Variants in AGBL1 observed in about 807,000 individuals in gnomAD.
AGBL1 encodes the protein AGBL carboxypeptidase 1.
Under a neutral mutation model 118.9 loss-of-function variants are expected in AGBL1, and 130 were observed. The ratio of observed to expected loss-of-function variants is 1.09; its 90% confidence interval spans 0.95 to 1.26. AGBL1 has a LOEUF of 1.26. Among genes scored for constraint, AGBL1 ranks in the 50% most tolerant of loss-of-function variants. The pLI, the probability that AGBL1 is intolerant of heterozygous loss-of-function variation, is 0.00. For synonymous variants in AGBL1, 555 were observed against 478.9 expected (o/e 1.16, Z -2.08); for missense variants, 1,584 against 1,298.1 (o/e 1.22, Z -3.38).
chr15:86,608,858 TG>T (rs1159091404), intron 21 of AGBL1, among the ~76,000 whole-genome samples: 2 of 152,190 alleles, frequency 1.3e-5, no homozygotes, highest in African/African-American at 4.8e-5. Flanking sequence ...GTGAGCATCA[TG>T]AAACATATCT....
intron 22 of AGBL1, among the ~76,000 whole-genome samples, chr15:86,857,492 C>T (rs1206034390): frequency 6.6e-6 from 1 of 152,182 alleles, no homozygotes; most frequent in African/African-American, 2.4e-5. Flanking sequence ...TCCCATGTGA[C>T]TCCCTCTGCA....
chr15:86,151,840 A>T (rs1160074561), intron 3 of AGBL1, among the ~76,000 whole-genome samples: 2 of 152,242 alleles, frequency 1.3e-5, no homozygotes, highest in Non-Finnish European at 2.9e-5. Context: ...TCAGGATACA[A>T]AATCAATGTG....
intron 22 of AGBL1, among the ~76,000 whole-genome samples, chr15:86,787,875 A>C (rs75171690): frequency 0.044 from 6,646 of 151,762 alleles, 324 homozygotes; most frequent in East Asian, 0.13. Flanking sequence ...TTCTTCTTTG[A>C]ATTTTTGATT....
chr15:86,840,576 G>A (rs920558929), intron 22 of AGBL1, among the ~76,000 whole-genome samples: 1 of 152,228 alleles, frequency 6.6e-6, no homozygotes, highest in Middle Eastern at 3.4e-3. Context: ...CTCCCGAGTA[G>A]CTGGGATTAC....
chr15:86,324,301 G>A (rs1048949419), intron 17 of AGBL1, among the ~76,000 whole-genome samples: 2 of 152,158 alleles, frequency 1.3e-5, no homozygotes, highest in Non-Finnish European at 2.9e-5. Flanking sequence ...CTCTACCCGG[G>A]AATGAATGGA....
At chr15:86,553,745 T>C (rs2083693796) in intron 20 of AGBL1, among the ~76,000 whole-genome samples, 1 of 152,172 alleles carries the variant, frequency 6.6e-6, no homozygotes, top group Admixed American at 6.6e-5. Flanking sequence ...GCCAAATGTA[T>C]GTGTGCAGCC....
intron 22 of AGBL1, among the ~76,000 whole-genome samples, chr15:86,750,244 C>CT (rs1164394073): frequency 1.3e-5 from 2 of 151,778 alleles, no homozygotes; most frequent in Non-Finnish European, 2.9e-5. Flanking sequence ...TTGTTTTGTA[C>CT]TTTTTTATTT....
intron 21 of AGBL1, among the ~76,000 whole-genome samples, chr15:86,573,425 A>G (rs1380872771): frequency 1.3e-5 from 2 of 152,242 alleles, no homozygotes; most frequent in African/African-American, 4.8e-5. Context: ...AACACAGAAG[A>G]AGGAGATGAT....
intron 18 of AGBL1, among the ~76,000 whole-genome samples, chr15:86,503,003 T>C (rs1298968703): frequency 6.6e-6 from 1 of 151,456 alleles, no homozygotes; most frequent in Non-Finnish European, 1.5e-5. Context: ...TAATTCTTCC[T>C]TAAACGCTTG....
At chr15:87,009,912 G>GTAAC (rs1166340455) in intron 24 of AGBL1, among the ~76,000 whole-genome samples, 15 of 152,220 alleles carry the variant, frequency 9.9e-5, no homozygotes, top group Non-Finnish European at 2.1e-4. Context: ...TATCAAGGAA[G>GTAAC]TAACTAACTT....
chr15:86,242,642 A>C (rs1447673126), intron 6 of AGBL1, among the ~76,000 whole-genome samples: 1 of 152,220 alleles, frequency 6.6e-6, no homozygotes, highest in Non-Finnish European at 1.5e-5. Flanking sequence ...TCATTTCTGG[A>C]GCTGTGGCTG....
intron 1 of AGBL1, among the ~76,000 whole-genome samples, chr15:86,133,352 C>T (rs914842575): frequency 6.6e-6 from 1 of 152,154 alleles, no homozygotes; most frequent in African/African-American, 2.4e-5. Context: ...CAGCTCTCAG[C>T]TTAAGTGTTA....
chr15:86,567,464 C>G (rs867595413), intron 21 of AGBL1, among the ~76,000 whole-genome samples: 23 of 152,110 alleles, frequency 1.5e-4, no homozygotes, highest in African/African-American at 2.4e-4. Flanking sequence ...AATTTGTGAG[C>G]CTTCTTCTAG....
At chr15:86,246,500 T>C (rs1047640015) in intron 6 of AGBL1, among the ~76,000 whole-genome samples, 2 of 152,104 alleles carry the variant, frequency 1.3e-5, no homozygotes, top group Non-Finnish European at 2.9e-5. Context: ...AAAACGCACA[T>C]GAAGAGCAGG....
intron 21 of AGBL1, among the ~76,000 whole-genome samples, chr15:86,624,332 C>A (rs773866632): frequency 7.9e-5 from 12 of 152,196 alleles, no homozygotes; most frequent in Non-Finnish European, 1.3e-4. Context: ...GCATGTGACA[C>A]TTATTAGCCT....
At chr15:86,758,055 A>T (rs1489886346) in intron 22 of AGBL1, among the ~76,000 whole-genome samples, 1 of 152,190 alleles carries the variant, frequency 6.6e-6, no homozygotes, top group East Asian at 1.9e-4. Flanking sequence ...TTCATTTTAC[A>T]TATTTTTTCT....
intron 22 of AGBL1, among the ~76,000 whole-genome samples, chr15:86,872,130 C>T (rs973765767): frequency 7.2e-5 from 11 of 152,206 alleles, no homozygotes; most frequent in African/African-American, 2.4e-4. Flanking sequence ...TGCAGCCCCA[C>T]GCACACGTGG....
intron 19 of AGBL1, 103 bp downstream of exon 19, chr15:86,523,042 C>A: frequency 7.3e-7 from 1 of 1,364,482 alleles, no homozygotes; most frequent in Non-Finnish European, 1.0e-6. Context: ...GACCAAAAAC[C>A]TATGTATGAC....
chr15:86,530,600 C>T (rs878863394), intron 19 of AGBL1, among the ~76,000 whole-genome samples: 1 of 150,920 alleles, frequency 6.6e-6, no homozygotes, highest in Non-Finnish European at 1.5e-5. Flanking sequence ...AGCTCTGCAC[C>T]AAGCGGACTT....
Sources: allele counts gnomAD v4.1 joint callset (sites outside exome capture counted in the v4.1 genomes callset), GRCh38; gene constraint gnomAD v4.1.1; transcripts MANE v1.5; gene names NCBI Gene and HGNC (gene_info 2026-07-23, HGNC 2026-07-21).